LRRTM4: variants seen among roughly 807,000 people sequenced by gnomAD.
LRRTM4 encodes leucine-rich repeat transmembrane neuronal protein 4.
Under a neutral mutation model 47.6 loss-of-function variants are expected in LRRTM4, and 25 were observed. The observed-to-expected ratio is 0.53, with a 90% CI of 0.38 to 0.73. LRRTM4 has a LOEUF of 0.73. Ranked by LOEUF, LRRTM4 falls within the 30% of genes least tolerant of loss-of-function variation. The pLI is 0.00. For synonymous variants in LRRTM4, 311 were observed against 269.5 expected, an observed-to-expected ratio of 1.15 and a Z score of -1.51; for missense variants, 638 against 713.4, an observed-to-expected ratio of 0.89 and a Z score of 1.20.
intron 3 of LRRTM4, among the ~76,000 whole-genome samples, chr2:76,814,664 AC>A (rs2103835135): frequency 6.6e-6 from 1 of 152,200 alleles, no homozygotes; most frequent in Admixed American, 6.6e-5. Flanking sequence ...ATATGTAAAT[AC>A]TACCCCATTT....
chr2:77,356,679 C>T (rs1029738452), intron 3 of LRRTM4, among the ~76,000 whole-genome samples: 2 of 152,124 alleles, frequency 1.3e-5, no homozygotes, highest in African/African-American at 4.8e-5. Flanking sequence ...TGTATAATGA[C>T]TACAAAGGTC....
At chr2:76,778,516 C>T (rs1162600538) in intron 3 of LRRTM4, among the ~76,000 whole-genome samples, 1 of 150,144 alleles carries the variant, frequency 6.7e-6, no homozygotes, top group East Asian at 1.9e-4. Context: ...GGAATTTATC[C>T]ATTTCTTGTA....
chr2:76,945,126 A>G (rs1309990699), intron 3 of LRRTM4, among the ~76,000 whole-genome samples: 1 of 152,126 alleles, frequency 6.6e-6, no homozygotes, highest in African/African-American at 2.4e-5. Context: ...TATTACACAC[A>G]AAATATAAGT....
In LRRTM4 at chr2:77,154,141, T is replaced by A. The variant is rs758855383; in HGVS notation, c.1551+364177A>T. On this transcript the variant is annotated intron_variant, in intron 3 of 3. Transcript: ENST00000409884. ...GGCTTTGCGGATGCTTGAATTTATT[T>A]CCTGGTGCTCCAATAGAAGTTGTGA... is the stretch of plus-strand genomic sequence containing the variant. Among the ~76,000 whole-genome samples the A allele has an allele frequency of 6.6e-5, 10 of 152,228 alleles. No individual in the cohort carries two copies. The South Asian group carries it at 1.9e-3, about 28-fold the overall frequency.
intron 3 of LRRTM4, among the ~76,000 whole-genome samples, chr2:77,159,651 G>A (rs894776659): frequency 2.6e-5 from 4 of 152,048 alleles, no homozygotes; most frequent in South Asian, 2.1e-4. Flanking sequence ...GGCTGAGGAG[G>A]AGGAGAAATA....
intron 3 of LRRTM4, among the ~76,000 whole-genome samples, chr2:77,378,992 T>C (rs552805867): frequency 2.0e-5 from 3 of 152,282 alleles, no homozygotes; most frequent in African/African-American, 7.2e-5. Flanking sequence ...GTTCATTTTG[T>C]CTAATATTGT....
chr2:76,960,476 T>C (rs1170994077), intron 3 of LRRTM4, among the ~76,000 whole-genome samples: 1 of 151,652 alleles, frequency 6.6e-6, no homozygotes, highest in Non-Finnish European at 1.5e-5. Context: ...ACTTGTACCA[T>C]CTCTTTATTA....
chr2:77,359,574 T>C (rs930318302), intron 3 of LRRTM4, among the ~76,000 whole-genome samples: 9 of 152,228 alleles, frequency 5.9e-5, no homozygotes, highest in Admixed American at 2.6e-4. Flanking sequence ...TTATGAAATA[T>C]AGTGTTGTAA....
rs369681522 is a variant in LRRTM4 at position 77,274,343 on chromosome 2, A to G, written c.1551+243975T>C. Reference sequence around the variant, plus strand: ...GTAGCCTTGGCTTCCTGCTATATCTATATCTCAAATTGCAGAGAAACGTGG... The same window carrying G: ...GTAGCCTTGGCTTCCTGCTATATCTGTATCTCAAATTGCAGAGAAACGTGG... On this transcript the variant is annotated intron_variant, in intron 3 of 3. Transcript: ENST00000409884. Among the ~76,000 whole-genome samples, 26 of 152,288 alleles carry G rather than the reference A, an allele frequency of 1.7e-4. No homozygotes were observed. The South Asian group carries it at 4.3e-3, about 25-fold the overall frequency.
chr2:76,800,801 A>G (rs1675627655), intron 3 of LRRTM4, among the ~76,000 whole-genome samples: 1 of 147,832 alleles, frequency 6.8e-6, no homozygotes, highest in East Asian at 2.1e-4. Context: ...AAGGACATGA[A>G]CAGACACTTC....
chr2:76,929,922 AGTTTGT>A (rs997120034), intron 3 of LRRTM4, among the ~76,000 whole-genome samples: 1 of 102,286 alleles, frequency 9.8e-6, no homozygotes, highest in Non-Finnish European at 1.9e-5. Context: ...TTGCAATTAG[AGTTTGT>A]GTGTGTGTGT....
rs373357551 is a variant in LRRTM4, at chr2:77,141,668, T to C, written c.1551+376650A>G. 5.3e-5 allele frequency among the ~76,000 whole-genome samples: 8 copies of C among 152,140 alleles called. No individual in the cohort carries two copies. In the South Asian group the frequency reaches 1.7e-3, roughly 31 times the overall value. ...TCCAAACTATGAGCTAGACATTCAA[T>C]GTAGGTAGAGGACTCCTAAGTTTTT... is the stretch of plus-strand genomic sequence containing the variant. On this transcript the variant is annotated intron_variant, in intron 3 of 3. Coordinates refer to ENST00000409884, the MANE Select transcript of LRRTM4 (RefSeq NM_001134745.3).
At chr2:77,512,907 C>G (rs939942199) in intron 3 of LRRTM4, among the ~76,000 whole-genome samples, 2 of 152,052 alleles carry the variant, frequency 1.3e-5, no homozygotes, top group Non-Finnish European at 2.9e-5. Flanking sequence ...AAGAAAAGGG[C>G]CATTTATTGT....
At chr2:77,458,890 G>A (rs1057103548) in intron 3 of LRRTM4, among the ~76,000 whole-genome samples, 4 of 151,634 alleles carry the variant, frequency 2.6e-5, no homozygotes, top group Non-Finnish European at 5.9e-5. Context: ...GCCATATTAC[G>A]TACACATGCA....
In LRRTM4 at chr2:76,801,904, T is replaced by C. The variant is rs117124637; in HGVS notation, c.1552-52988A>G. Among the ~76,000 whole-genome samples the C allele has an allele frequency of 1.4e-3, 217 of 152,228 alleles. 2 individuals carry two copies. The East Asian group carries it at 0.035, about 25-fold the overall frequency. On this transcript the variant is annotated intron_variant, in intron 3 of 3. Transcript: ENST00000409884. ...TCATCTCAATAGATGCAGAAATGCA[T>C]TGGACAAAATTCAACATCTTTTCAT...
chr2:76,780,088 C>T (rs913243828), intron 3 of LRRTM4, among the ~76,000 whole-genome samples: 2 of 152,138 alleles, frequency 1.3e-5, no homozygotes, highest in Admixed American at 6.5e-5. Flanking sequence ...TGAATATTGG[C>T]CCCCACTCTC....
At chr2:76,830,516 G>A (rs1007237310) in intron 3 of LRRTM4, among the ~76,000 whole-genome samples, 1 of 36,092 alleles carries the variant, frequency 2.8e-5, no homozygotes, top group East Asian at 1.3e-3. Flanking sequence ...CAGTGTGTGC[G>A]TGTGTGTGTG....
intron 3 of LRRTM4, among the ~76,000 whole-genome samples, chr2:77,086,683 C>T (rs1414835633): frequency 2.0e-5 from 3 of 151,736 alleles, no homozygotes; most frequent in Non-Finnish European, 4.4e-5. Flanking sequence ...TTAGTAGAGA[C>T]GGGGTTTCAC....
At chr2:77,038,002 C>A (rs953606067) in intron 3 of LRRTM4, among the ~76,000 whole-genome samples, 5 of 151,726 alleles carry the variant, frequency 3.3e-5, no homozygotes, top group Middle Eastern at 3.4e-3. Context: ...TACACAGAGC[C>A]TTGTGTTCCT....
Sources: gnomAD v4.1 joint callset for allele counts (sites outside exome capture counted in the v4.1 genomes callset) on GRCh38, gnomAD v4.1.1 for gene constraint, MANE v1.5 for transcripts, NCBI Gene and HGNC (gene_info 2026-07-23, HGNC 2026-07-21) for gene names.